GHR: variants seen among roughly 807,000 people sequenced by gnomAD.
GHR encodes the protein growth hormone receptor, also known as GH receptor.
In GHR, 35 loss-of-function variants were observed where a neutral mutation model predicts 67.1. The ratio of observed to expected loss-of-function variants is 0.52; its 90% confidence interval spans 0.40 to 0.69. The LOEUF (loss-of-function observed/expected upper bound fraction) is 0.69. Ranked by LOEUF, GHR falls within the 30% of genes least tolerant of loss-of-function variation. The pLI is 0.00. For synonymous variants in GHR, 272 were observed against 269.1 expected, an observed-to-expected ratio of 1.01 and a Z score of -0.10; for missense variants, 792 against 764.6, an observed-to-expected ratio of 1.04 and a Z score of -0.42.
chr5:42,632,137 C>T (rs750982790), intron 3 of GHR, among the ~76,000 whole-genome samples: 1 of 152,152 alleles, frequency 6.6e-6, no homozygotes, highest in Non-Finnish European at 1.5e-5. Flanking sequence ...AAACTTCAAA[C>T]CTTTCCCAAG....
chr5:42,481,035 C>T (rs1192500030), intron 1 of GHR, among the ~76,000 whole-genome samples: 2 of 151,984 alleles, frequency 1.3e-5, no homozygotes, highest in African/African-American at 2.4e-5. Context: ...CCGGTTGTTC[C>T]TTTCCATGTT....
chr5:42,571,158 C>T (rs191972591), intron 2 of GHR, among the ~76,000 whole-genome samples: 3 of 152,326 alleles, frequency 2.0e-5, no homozygotes, highest in Admixed American at 1.3e-4. Flanking sequence ...CCTATTAGCA[C>T]TAAAGTGGCA....
At chr5:42,713,575 T>C in intron 8 of GHR, 56 bp downstream of exon 8, 2 of 816,956 alleles carry the variant, frequency 2.4e-6, no homozygotes, top group Non-Finnish European at 4.3e-6. Context: ...GATTTCCATA[T>C]GTGTTTCTAT....
intron 2 of GHR, among the ~76,000 whole-genome samples, chr5:42,575,050 C>CG: frequency 7.9e-6 from 1 of 125,928 alleles, no homozygotes; most frequent in South Asian, 2.3e-4. Context: ...TCCTCTGGTA[C>CG]TTATCCTATT....
At chr5:42,615,516 G>A (rs1211563780) in intron 2 of GHR, among the ~76,000 whole-genome samples, 5 of 151,964 alleles carry the variant, frequency 3.3e-5, no homozygotes, top group African/African-American at 4.8e-5. Context: ...TAAATGTATT[G>A]ACAAATGATT....
At chr5:42,433,917 T>C (rs1411493937) in intron 1 of GHR, among the ~76,000 whole-genome samples, 1 of 151,988 alleles carries the variant, frequency 6.6e-6, no homozygotes, top group Non-Finnish European at 1.5e-5. Flanking sequence ...TTGCTTATTA[T>C]GGTCGCTGCA....
At chr5:42,617,572 C>T (rs914082172) in intron 2 of GHR, among the ~76,000 whole-genome samples, 2 of 152,084 alleles carry the variant, frequency 1.3e-5, no homozygotes, top group South Asian at 4.1e-4. Context: ...CTCCCCATTT[C>T]CCCCCTCACC....
At chr5:42,557,375 T>G (rs1749367263) in intron 1 of GHR, among the ~76,000 whole-genome samples, 1 of 152,152 alleles carries the variant, frequency 6.6e-6, no homozygotes, top group Non-Finnish European at 1.5e-5. Context: ...GATGTCCTCT[T>G]CATGATATAT....
intron 6 of GHR, among the ~76,000 whole-genome samples, chr5:42,702,752 C>A (rs1288816774): frequency 1.3e-5 from 2 of 151,912 alleles, no homozygotes; most frequent in African/African-American, 4.8e-5. Context: ...CATCTTTGTG[C>A]ACTCTATGCC....
chr5:42,586,648 A>G (rs1751491279), intron 2 of GHR, among the ~76,000 whole-genome samples: 1 of 152,214 alleles, frequency 6.6e-6, no homozygotes, highest in South Asian at 2.1e-4. Flanking sequence ...AGCAAAATGT[A>G]TGTCAAAATC....
intron 1 of GHR, among the ~76,000 whole-genome samples, chr5:42,519,114 C>A (rs186129439): frequency 6.6e-6 from 1 of 152,126 alleles, no homozygotes; most frequent in Non-Finnish European, 1.5e-5. Flanking sequence ...TAAATAATAT[C>A]GTATATACTT....
Position 42,719,329 on chromosome 5 carries a change from A to G in GHR, c.1822A>G (p.Ile608Val). ...IHIVQSPQGL[I>V]LNATALPLPD... ...TATAGTACAGTCCCCACAGGGCCTCATACTCAATGCGACTGCCTTGCCCTT... is the reference window on the plus strand; with the variant it reads ...TATAGTACAGTCCCCACAGGGCCTCGTACTCAATGCGACTGCCTTGCCCTT... The change falls in exon 10 of 10, where the codon ATA (isoleucine) becomes GTA (valine). Residue 608 changes from isoleucine to valine, a missense_variant. Transcript: ENST00000230882. 1 of 1,614,172 alleles carries G rather than the reference A, an allele frequency of 6.2e-7. No homozygotes were observed. Among genetic ancestry groups the G allele is most frequent in the Non-Finnish European group, 8.5e-7 (1 of 1,180,002 alleles).
chr5:42,562,983 C>T (rs1266068923), intron 1 of GHR, among the ~76,000 whole-genome samples: 1 of 152,108 alleles, frequency 6.6e-6, no homozygotes, highest in Non-Finnish European at 1.5e-5. Flanking sequence ...AGTTCATTTG[C>T]AGGCAGCTGC....
At chr5:42,525,271 T>G (rs1747658961) in intron 1 of GHR, among the ~76,000 whole-genome samples, 1 of 152,204 alleles carries the variant, frequency 6.6e-6, no homozygotes. Context: ...GGAACCCACC[T>G]CTTCCATCAG....
chr5:42,427,060 G>A (rs528117616), intron 1 of GHR, among the ~76,000 whole-genome samples: 1 of 152,260 alleles, frequency 6.6e-6, no homozygotes, highest in South Asian at 2.1e-4. Context: ...TTTTCCCTGT[G>A]TTTACCATAC....
At chr5:42,476,627 G>A (rs1457018813) in intron 1 of GHR, among the ~76,000 whole-genome samples, 1 of 152,214 alleles carries the variant, frequency 6.6e-6, no homozygotes, top group Non-Finnish European at 1.5e-5. Flanking sequence ...GTTGGAAAAT[G>A]ATTCTCCTTT....
At chr5:42,619,183 G>A (rs149989968) in intron 2 of GHR, among the ~76,000 whole-genome samples, 41 of 152,174 alleles carry the variant, frequency 2.7e-4, no homozygotes, top group African/African-American at 9.6e-4. Context: ...GCTCACTGGG[G>A]TCTATTTCAT....
chr5:42,662,209 T>C (rs1755677132), intron 3 of GHR, among the ~76,000 whole-genome samples: 1 of 152,106 alleles, frequency 6.6e-6, no homozygotes, highest in Non-Finnish European at 1.5e-5. Flanking sequence ...GACAGAAAGT[T>C]AACAAGGATA....
rs1464262163 is a variant in GHR, at chr5:42,713,472, T to G, written c.828T>G (p.Phe276Leu). The part of the protein sequence containing the change: ...PWLLIIIFGI[F>L]GLTVMLFVFL... ...TCTTAATTATTATCTTTGGAATATTTGGGCTAACAGTGATGCTATTTGTAT... is the reference window on the plus strand; with the variant it reads ...TCTTAATTATTATCTTTGGAATATTGGGGCTAACAGTGATGCTATTTGTAT... Residue 276 changes from phenylalanine (F) to leucine (L), a missense_variant, in exon 8 of 10, where the codon TTT becomes TTG. Phe to Leu is a conservative substitution (Grantham distance 22). Transcript: ENST00000230882. 1 of 1,507,188 alleles carries G rather than the reference T, an allele frequency of 6.6e-7. No individual in the cohort carries two copies. Among genetic ancestry groups the G allele is most frequent in the Non-Finnish European group, 9.2e-7 (1 of 1,085,650 alleles). 93.4% of individuals were successfully genotyped at this position (1,507,188 alleles called of 1,614,324 possible). A position where few individuals can be genotyped will look rare whatever the true frequency, so the allele number is the denominator to read the frequency against.
Sources: gnomAD v4.1 joint callset for allele counts (sites outside exome capture counted in the v4.1 genomes callset) on GRCh38, gnomAD v4.1.1 for gene constraint, MANE v1.5 for transcripts, NCBI Gene and HGNC (gene_info 2026-07-23, HGNC 2026-07-21) for gene names.